Variants in EYS observed in about 807,000 individuals in gnomAD.
EYS encodes the protein EGF-like photoreceptor maintenance factor.
Under a neutral mutation model 282.1 loss-of-function variants are expected in EYS, and 250 were observed. That is an observed-to-expected ratio of 0.89 (90% CI 0.80 to 0.98). EYS has a LOEUF of 0.98. EYS is among the 50% of genes least tolerant of loss of function. EYS has a pLI of 0.00. For missense variants in EYS, 4,016 were observed against 3,709.0 expected (o/e 1.08, Z -2.15); for synonymous variants, 1,355 against 1,282.9 (o/e 1.06, Z -1.20).
intron 22 of EYS, among the ~76,000 whole-genome samples, chr6:64,717,426 C>T (rs1412989069): frequency 6.6e-6 from 1 of 152,170 alleles, no homozygotes; most frequent in African/African-American, 2.4e-5. Flanking sequence ...AGCTTAGGTC[C>T]CTCACACACA....
intron 2 of EYS, among the ~76,000 whole-genome samples, chr6:65,636,464 T>C (rs1266894583): frequency 6.6e-6 from 1 of 152,220 alleles, no homozygotes; most frequent in Non-Finnish European, 1.5e-5. Context: ...ACCAACTAGC[T>C]ACATGGATAT....
chr6:64,569,026 G>GA (rs4034162), intron 26 of EYS, among the ~76,000 whole-genome samples: 17,051 of 101,776 alleles, frequency 0.17, 1,618 homozygotes, highest in Non-Finnish European at 0.2. Context: ...AGATGGAAAA[G>GA]AAAAAAAAAA....
chr6:63,890,499 G>A (rs985050794), intron 35 of EYS, among the ~76,000 whole-genome samples: 1 of 151,944 alleles, frequency 6.6e-6, no homozygotes, highest in South Asian at 2.1e-4. Flanking sequence ...ATGACTACTG[G>A]GTAAATAACA....
In EYS at chr6:65,528,661, C is replaced by A. The variant is rs140332917; in HGVS notation, c.-332-32668G>T. 2.4e-3 allele frequency among the ~76,000 whole-genome samples: 366 copies of A among 152,236 alleles called. 7 individuals carry two copies. Among genetic ancestry groups the A allele is most frequent in the Admixed American group, 0.02 (310 of 15,298 alleles). ...ACTTCTCTGTCTCCTGAACTATGAG[C>A]CAATATATTTCCATTCATTATAAAT... On this transcript the variant is annotated intron_variant, in intron 2 of 42. Transcript: ENST00000503581.
intron 16 of EYS, among the ~76,000 whole-genome samples, chr6:64,910,746 G>A (rs1175995648): frequency 1.3e-5 from 2 of 152,040 alleles, no homozygotes; most frequent in African/African-American, 4.8e-5. Flanking sequence ...TATGACTAGA[G>A]GGTTTTAAAA....
rs1189349852 is a variant in EYS, at chr6:63,881,789, G to T, written c.7056-17431C>A. Among the ~76,000 whole-genome samples, 8 of 152,084 alleles carry T rather than the reference G, an allele frequency of 5.3e-5. No homozygotes were observed. In the East Asian group the frequency reaches 1.2e-3, roughly 22 times the overall value. On this transcript the variant is annotated intron_variant, in intron 35 of 42. Transcript: ENST00000503581. ...TTATCTACATTAAAGTGTAACATGG[G>T]TTAGAAAATCTTGGTTTATATTAGT...
chr6:64,919,532 C>T (rs1562259033), intron 15 of EYS, among the ~76,000 whole-genome samples: 2 of 150,044 alleles, frequency 1.3e-5, no homozygotes, highest in Non-Finnish European at 3.0e-5. Flanking sequence ...GGCCATCAAG[C>T]ATCATTTCAT....
intron 26 of EYS, among the ~76,000 whole-genome samples, chr6:64,510,277 T>G (rs991292230): frequency 2.6e-5 from 4 of 152,200 alleles, no homozygotes; most frequent in Non-Finnish European, 4.4e-5. Flanking sequence ...TACTTTATCA[T>G]GAATATTTAT....
At chr6:64,115,772 A>C (rs114529798) in intron 31 of EYS, among the ~76,000 whole-genome samples, 231 of 152,334 alleles carry the variant, frequency 1.5e-3, no homozygotes, top group African/African-American at 5.2e-3. Context: ...AAGATGATAA[A>C]TAAAAATCAA....
intron 5 of EYS, among the ~76,000 whole-genome samples, chr6:65,422,132 C>T (rs1582270739): frequency 2.0e-5 from 3 of 151,858 alleles, no homozygotes; most frequent in African/African-American, 7.2e-5. Flanking sequence ...CACAAGAAAA[C>T]AATGTATGTC....
chr6:64,548,832 A>T (rs1331838805), intron 26 of EYS, among the ~76,000 whole-genome samples: 2 of 152,172 alleles, frequency 1.3e-5, no homozygotes, highest in Non-Finnish European at 1.5e-5. Flanking sequence ...GTATAATAAA[A>T]AAAAAAGAAA....
intron 35 of EYS, among the ~76,000 whole-genome samples, chr6:63,911,983 A>C (rs544345362): frequency 6.6e-6 from 1 of 152,344 alleles, no homozygotes; most frequent in African/African-American, 2.4e-5. Flanking sequence ...AATCATAATA[A>C]GTGCAATCAT....
At chr6:64,108,031 G>A (rs1773090067) in intron 31 of EYS, among the ~76,000 whole-genome samples, 1 of 152,076 alleles carries the variant, frequency 6.6e-6, no homozygotes, top group Non-Finnish European at 1.5e-5. Context: ...TTTCTCTTGA[G>A]GGTAGATCTT....
At chr6:64,074,860 A>G (rs977081616) in intron 32 of EYS, among the ~76,000 whole-genome samples, 5 of 152,052 alleles carry the variant, frequency 3.3e-5, no homozygotes, top group African/African-American at 1.2e-4. Flanking sequence ...GTGAAGTTTG[A>G]TAATATAAAC....
intron 35 of EYS, among the ~76,000 whole-genome samples, chr6:63,962,412 A>G (rs1766108425): frequency 6.6e-6 from 1 of 152,210 alleles, no homozygotes; most frequent in Admixed American, 6.5e-5. Flanking sequence ...CAAATTTACA[A>G]GAAAAAAACA....
chr6:64,452,114 G>A lies in EYS; in HGVS notation c.5645-12762C>T, dbSNP rs1378367252. On this transcript the variant is annotated intron_variant, in intron 26 of 42. Transcript: ENST00000503581. The stretch of plus-strand genomic sequence containing the variant: ...TGATTATATATCTAGAAAACCCCTC[G>A]TCTCAGCCCAAAATCTCCTTAAGCT... 6.6e-5 allele frequency among the ~76,000 whole-genome samples: 10 copies of A among 152,148 alleles called. No homozygotes were observed. The East Asian group carries it at 9.7e-4, about 15-fold the overall frequency.
At chr6:64,845,484 A>T (rs1765690643) in intron 19 of EYS, among the ~76,000 whole-genome samples, 1 of 151,216 alleles carries the variant, frequency 6.6e-6, no homozygotes, top group Non-Finnish European at 1.5e-5. Context: ...GATTTGTTGA[A>T]ATATAATTGA....
chr6:63,845,334 A>G (rs1261579323), intron 36 of EYS, among the ~76,000 whole-genome samples: 4 of 152,234 alleles, frequency 2.6e-5, no homozygotes, highest in Middle Eastern at 3.4e-3. Flanking sequence ...CCATTACACA[A>G]CACTAACAGT....
intron 26 of EYS, among the ~76,000 whole-genome samples, chr6:64,566,762 C>T (rs1562065746): frequency 6.6e-6 from 1 of 151,856 alleles, no homozygotes; most frequent in Non-Finnish European, 1.5e-5. Flanking sequence ...AAGGATAACA[C>T]CAATTTGATT....
Sources: gnomAD v4.1 joint callset for allele counts (sites outside exome capture counted in the v4.1 genomes callset) on GRCh38, gnomAD v4.1.1 for gene constraint, MANE v1.5 for transcripts, NCBI Gene and HGNC (gene_info 2026-07-23, HGNC 2026-07-21) for gene names.